The following NARS1 variants were observed in gnomAD, a reference collection of about 807,000 sequenced individuals.
The protein encoded by NARS1 is asparaginyl-tRNA synthetase 1.
In NARS1, 65 loss-of-function variants were observed where a neutral mutation model predicts 79.2. The observed-to-expected ratio is 0.82, with a 90% CI of 0.67 to 1.01. The LOEUF (loss-of-function observed/expected upper bound fraction) is 1.01, where lower values mean the gene tolerates loss of function less well. Among genes scored for constraint, NARS1 ranks in the 50% least tolerant of loss-of-function variants. The probability of loss-of-function intolerance (pLI) is 0.00; values close to 1 mark genes in which losing one functional copy is unlikely to be tolerated. For missense variants in NARS1, 649 were observed against 673.8 expected (o/e 0.96, Z 0.41); for synonymous variants, 229 against 238.8 (o/e 0.96, Z 0.38).
At position 57,607,276 on chromosome 18, in the gene NARS1, G is replaced by T. The variant is rs2051566182; in HGVS notation, c.859C>A (p.Leu287Ile). 1 of 1,614,062 alleles carries T rather than the reference G, an allele frequency of 6.2e-7. No homozygotes were observed. The highest frequency in any genetic ancestry group is 1.3e-5 in the African/African-American group (1 of 74,932). ...QVEGGATLFK[L>I]DYFGEEAFLT... ...AATGCCTCTTCCCCAAAATAGTCAA[G>T]CTTGAAGAGTGTGGCACCACCTTCT... Residue 287 changes from leucine (L) to isoleucine (I), a missense_variant, in exon 9 of 14, where the codon CTT (leucine) becomes ATT (isoleucine). Coordinates refer to ENST00000256854, the MANE Select transcript of NARS1 (RefSeq NM_004539.4).
At position 57,604,390 on chromosome 18, in the gene NARS1, T is replaced by TA. The variant is rs1205429706; in HGVS notation, c.1252-1448dup. Among the ~76,000 whole-genome samples the TA allele has an allele frequency of 7.3e-3, 1,035 of 142,614 alleles. 8 individuals are homozygous for TA. The highest frequency in any genetic ancestry group is 0.021 in the African/African-American group (832 of 38,878). 93.6% of individuals were successfully genotyped at this position (142,614 alleles called of 152,430 possible). A position where few individuals can be genotyped will look rare whatever the true frequency, so the allele number is the denominator to read the frequency against. On this transcript the variant is annotated intron_variant, in intron 11 of 13. Coordinates refer to ENST00000256854, the MANE Select transcript of NARS1 (RefSeq NM_004539.4). ...CAACACAGCAATACCTCCATCTCTT[T>TA]AAAAAAAAAAAACCAAAAAACCAAA...
rs375837637 is a variant in NARS1, at chr18:57,615,643, A to T, written c.340T>A (p.Cys114Ser). The T allele has an allele frequency of 6.2e-7, 1 of 1,602,610 alleles. No individual in the cohort carries two copies. Among genetic ancestry groups the T allele is most frequent in the African/African-American group, 1.3e-5 (1 of 74,546 alleles). ...TTTGAAAAGATAAACAAACTTACAC[A>T]TTTTGGCTCTGGGAGACTTGGATCA... is the stretch of plus-strand genomic sequence containing the variant. ...KNDPSLPEPKCVKIGALEGYR... is the reference protein window; with the variant it reads ...KNDPSLPEPKSVKIGALEGYR... The change falls in exon 4 of 14, where the codon TGT becomes AGT. Residue 114 changes from cysteine (C) to serine (S), a missense_variant and splice_region_variant. Physicochemically the swap from Cys to Ser is moderately radical, Grantham distance 112 (BLOSUM62 -1). Coordinates refer to ENST00000256854, the MANE Select transcript of NARS1 (RefSeq NM_004539.4).
chr18:57,603,066 C>A lies in NARS1; in HGVS notation c.1252-123G>T, dbSNP rs1444992065. On this transcript the variant is annotated intron_variant, in intron 11 of 13. Coordinates refer to ENST00000256854, the MANE Select transcript of NARS1 (RefSeq NM_004539.4). ...CAACAGAGTAGAGGATACACACCTA[C>A]CCTTAACCCATACACATTTGTGTAA... The A allele has an allele frequency of 3.8e-6, 3 of 794,884 alleles. No homozygotes were observed. The African/African-American group carries it at 5.2e-5, about 14-fold the overall frequency. The allele number at this position is 794,884 out of a possible 1,614,324, so 49.2% of individuals were successfully genotyped here.
chr18:57,607,037 G>C, intron 9 of NARS1, 97 bp downstream of exon 9: 1 of 1,293,674 alleles, frequency 7.7e-7, no homozygotes, highest in Non-Finnish European at 1.1e-6. Context: ...TATATCAGTT[G>C]GTTTTTTTTA....
chr18:57,620,711 C>T (rs1908264276), intron 1 of NARS1, 60 bp from the exon 2 acceptor site: 7 of 968,346 alleles, frequency 7.2e-6, no homozygotes, highest in Admixed American at 4.2e-5. Flanking sequence ...CACCTTACTA[C>T]TTTATTCATT....
intron 7 of NARS1, among the ~76,000 whole-genome samples, chr18:57,608,383 G>A (rs959042561): frequency 6.9e-6 from 1 of 144,800 alleles, no homozygotes; most frequent in Non-Finnish European, 1.5e-5. Flanking sequence ...GTTGTGGTGA[G>A]TGGAGATCGC....
intron 5 of NARS1, among the ~76,000 whole-genome samples, chr18:57,611,924 G>A (rs2122442914): frequency 6.6e-6 from 1 of 151,620 alleles, no homozygotes; most frequent in African/African-American, 2.4e-5. Context: ...CACCACACCT[G>A]GCTAATTATT....
At chr18:57,611,492 C>A in intron 6 of NARS1, 145 bp downstream of exon 6, 2 of 531,380 alleles carry the variant, frequency 3.8e-6, no homozygotes, top group South Asian at 2.5e-5. Context: ...ATAAAAATTG[C>A]ATGTTTATGG....
chr18:57,605,759 G>A, intron 11 of NARS1, 98 bp downstream of exon 11: 1 of 771,850 alleles, frequency 1.3e-6, no homozygotes, highest in East Asian at 2.8e-5. Flanking sequence ...TTTATTTGAG[G>A]ACAGGCAGAT....
At chr18:57,613,751 A>G in intron 4 of NARS1, 71 bp from the exon 5 acceptor site, 1 of 1,260,162 alleles carries the variant, frequency 7.9e-7, no homozygotes, top group Non-Finnish European at 1.1e-6. Context: ...CACTAATATT[A>G]GGCAGACGGT....
Position 57,620,630 on chromosome 18 carries a change from C to G in NARS1, c.32G>C (p.Arg11Pro), listed in dbSNP as rs771435243. 3.1e-6 allele frequency: 5 copies of G among 1,613,456 alleles called. No homozygotes were observed. Among genetic ancestry groups the G allele is most frequent in the African/African-American group, 1.3e-5 (1 of 74,902 alleles). The change falls in exon 2 of 14, where the codon CGA becomes CCA. Residue 11 changes from arginine (R) to proline (P), a missense_variant. Transcript: ENST00000256854. ...ATCTCCCGTGGCATCGCTTCCCTCT[C>G]GGTCAGAGACGTACAGCTCTGCTGT... is the stretch of plus-strand genomic sequence containing the variant. MVLAELYVSD[R>P]EGSDATGDGT...
At chr18:57,619,269 T>A (rs1908192702) in intron 2 of NARS1, among the ~76,000 whole-genome samples, 1 of 146,154 alleles carries the variant, frequency 6.8e-6, no homozygotes, top group Non-Finnish European at 1.5e-5. Context: ...CTGGCTAATT[T>A]TTTTTTTTTT....
chr18:57,615,582 C>T (rs1480898501), intron 4 of NARS1, 59 bp downstream of exon 4: 1 of 1,190,886 alleles, frequency 8.4e-7, no homozygotes, highest in African/African-American at 1.5e-5. Flanking sequence ...CCCTCATACA[C>T]AGAAATAATG....
At position 57,611,527 on chromosome 18, in the gene NARS1, T is replaced by C. The variant is rs61442003; in HGVS notation, c.492+110A>G. On this transcript the variant is annotated intron_variant, in intron 6 of 13. Coordinates refer to ENST00000256854, the MANE Select transcript of NARS1 (RefSeq NM_004539.4). The stretch of plus-strand genomic sequence containing the variant: ...GTATACAATGTGATGTTTTGATTCA[T>C]TGACATTCACTGTCGACATAATAAA... The C allele has an allele frequency of 0.2, 138,988 of 686,086 alleles. 15,507 individuals carry two copies. The highest frequency in any genetic ancestry group is 0.37 in the East Asian group (10,330 of 27,600). 42.5% of individuals were successfully genotyped at this position (686,086 alleles called of 1,614,324 possible).
intron 2 of NARS1, among the ~76,000 whole-genome samples, chr18:57,618,861 T>A (rs1252093226): frequency 2.0e-5 from 3 of 151,566 alleles, no homozygotes; most frequent in Admixed American, 2.0e-4. Flanking sequence ...ATGAATGCGC[T>A]ACTGCACTCC....
At chr18:57,610,514 T>C (rs566848730) in intron 6 of NARS1, among the ~76,000 whole-genome samples, 58 of 152,262 alleles carry the variant, frequency 3.8e-4, no homozygotes, top group Admixed American at 3.5e-3. Context: ...ACATGCCTCT[T>C]GACGTGATGC....
intron 2 of NARS1, among the ~76,000 whole-genome samples, chr18:57,618,019 G>A (rs1448949499): frequency 2.0e-5 from 3 of 150,686 alleles, no homozygotes; most frequent in African/African-American, 7.3e-5. Context: ...GCACACGCCT[G>A]TAATCCCAGC....
At chr18:57,606,413 A>C (rs980103782) in intron 10 of NARS1, among the ~76,000 whole-genome samples, 2 of 151,438 alleles carry the variant, frequency 1.3e-5, no homozygotes, top group Non-Finnish European at 2.9e-5. Flanking sequence ...AGACATTCCT[A>C]AAATGGAAAA....
rs369784989 is a variant in NARS1 at position 57,601,800 on chromosome 18, A to G, written c.1516-17T>C. 3.7e-6 allele frequency: 6 copies of G among 1,611,228 alleles called. No individual in the cohort carries two copies. The highest frequency in any genetic ancestry group is 5.1e-6 in the Non-Finnish European group (6 of 1,177,906). On this transcript the variant is annotated splice_polypyrimidine_tract_variant and intron_variant, in intron 13 of 13. Transcript: ENST00000256854. The stretch of plus-strand genomic sequence containing the variant: ...GTATTTTCTCTGTTTAAAAAAAGAA[A>G]GAAAGAAAGAGGAGTAAATACTTAA...
Sources: gnomAD v4.1 joint callset for allele counts (sites outside exome capture counted in the v4.1 genomes callset) on GRCh38, gnomAD v4.1.1 for gene constraint, MANE v1.5 for transcripts, NCBI Gene and HGNC (gene_info 2026-07-23, HGNC 2026-07-21) for gene names.